The following TTC7A variants were observed in gnomAD, a reference collection of about 807,000 sequenced individuals.
TTC7A encodes tetratricopeptide repeat domain 7A.
Under a neutral mutation model 103.7 loss-of-function variants are expected in TTC7A, and 110 were observed. The observed-to-expected ratio is 1.06, with a 90% CI of 0.91 to 1.24. The LOEUF (loss-of-function observed/expected upper bound fraction) is 1.24, where lower values mean the gene tolerates loss of function less well. Ranked by LOEUF, TTC7A falls within the 50% of genes most tolerant of loss-of-function variation. The pLI, the probability that TTC7A is intolerant of heterozygous loss-of-function variation, is 0.00. For synonymous variants in TTC7A, 521 were observed against 467.9 expected (o/e 1.11, Z -1.47); for missense variants, 1,340 against 1,116.3 (o/e 1.20, Z -2.86).
chr2:47,021,810 G>GT, intron 11 of TTC7A, 52 bp from the exon 12 acceptor site: 1 of 1,449,368 alleles, frequency 6.9e-7, no homozygotes, highest in South Asian at 1.1e-5. Context: ...TCATTCACTG[G>GT]TAGAGGAAAC....
At chr2:47,044,984 G>A (rs917584822) in intron 15 of TTC7A, among the ~76,000 whole-genome samples, 5 of 152,202 alleles carry the variant, frequency 3.3e-5, no homozygotes, top group African/African-American at 4.8e-5. Flanking sequence ...AGCCTTCGCA[G>A]TCTGGGTAGG....
intron 3 of TTC7A, 124 bp downstream of exon 3, chr2:46,957,131 T>A: frequency 7.7e-7 from 1 of 1,292,866 alleles, no homozygotes; most frequent in Non-Finnish European, 1.1e-6. Flanking sequence ...GCCCTGGCAC[T>A]GGTGTCTAAG....
chr2:47,056,633 A>C (rs1171010238), intron 18 of TTC7A, among the ~76,000 whole-genome samples: 3 of 152,220 alleles, frequency 2.0e-5, no homozygotes, highest in Non-Finnish European at 2.9e-5. Flanking sequence ...GGATGCCTCA[A>C]AAAAATAATA....
At chr2:47,046,817 C>T (rs1682374292) in intron 16 of TTC7A, 1 of 237,578 alleles carries the variant, frequency 4.2e-6, no homozygotes. Flanking sequence ...TATAGCTTAC[C>T]AGAATCACTC....
chr2:46,977,671 C>T (rs1674011151), intron 4 of TTC7A, among the ~76,000 whole-genome samples: 1 of 152,186 alleles, frequency 6.6e-6, no homozygotes, highest in Admixed American at 6.5e-5. Context: ...AGCTTGGAAT[C>T]CATACCTGGC....
chr2:47,057,602 A>T (rs546401975), intron 18 of TTC7A, among the ~76,000 whole-genome samples: 1 of 152,114 alleles, frequency 6.6e-6, no homozygotes, highest in Admixed American at 6.5e-5. Context: ...GGGAGTGGGG[A>T]GCTTGACTCC....
chr2:46,924,692 T>C (rs1669292761), intron 2 of TTC7A, among the ~76,000 whole-genome samples: 1 of 152,140 alleles, frequency 6.6e-6, no homozygotes, highest in African/African-American at 2.4e-5. Flanking sequence ...AGTGGTGCGA[T>C]CTCAGCACAC....
rs555415728 is a variant in TTC7A, at chr2:47,024,706, G to A, written c.1641+347G>A. ...TCCCCAAGGGTCTTGGGGATGGAGT[G>A]ATGGGCAGGCTCATGGAGCTGTTGC... On this transcript the variant is annotated intron_variant, in intron 14 of 19. Coordinates refer to ENST00000319190, the MANE Select transcript of TTC7A (RefSeq NM_020458.4). Among the ~76,000 whole-genome samples, 4 of 152,218 alleles carry A rather than the reference G, an allele frequency of 2.6e-5. No individual in the cohort carries two copies. The East Asian group carries it at 7.8e-4, about 30-fold the overall frequency.
At chr2:47,049,859 C>T in intron 16 of TTC7A, 90 bp from the exon 17 acceptor site, 1 of 953,974 alleles carries the variant, frequency 1.0e-6, no homozygotes, top group Non-Finnish European at 1.6e-6. Flanking sequence ...TTCTCCCTGC[C>T]AGTCCTTGTG....
chr2:46,964,887 G>T (rs1672704744), intron 3 of TTC7A, among the ~76,000 whole-genome samples: 1 of 152,166 alleles, frequency 6.6e-6, no homozygotes, highest in South Asian at 2.1e-4. Flanking sequence ...GCCTAATTTA[G>T]GGTTCACTGT....
chr2:46,970,178 C>T (rs1018916341), intron 3 of TTC7A, among the ~76,000 whole-genome samples: 3 of 151,998 alleles, frequency 2.0e-5, no homozygotes, highest in Non-Finnish European at 4.4e-5. Flanking sequence ...TTGGGGGGGA[C>T]GGGGTTTCAC....
intron 2 of TTC7A, among the ~76,000 whole-genome samples, chr2:46,953,221 A>G (rs533089685): frequency 2.2e-4 from 33 of 152,234 alleles, no homozygotes; most frequent in African/African-American, 7.5e-4. Flanking sequence ...TGGCGTGAAC[A>G]TGGCTCACTG....
intron 14 of TTC7A, among the ~76,000 whole-genome samples, chr2:47,025,312 C>T (rs1335234001): frequency 6.6e-6 from 1 of 152,204 alleles, no homozygotes; most frequent in Non-Finnish European, 1.5e-5. Context: ...CGGAGGACAC[C>T]ACTGAGGCCG....
intron 14 of TTC7A, among the ~76,000 whole-genome samples, chr2:47,026,117 G>T (rs571301926): frequency 1.2e-4 from 19 of 152,310 alleles, no homozygotes; most frequent in Admixed American, 9.1e-4. Context: ...GGCAGCCTCA[G>T]GGAGTTGAGA....
rs762400105 is a variant in TTC7A at position 47,060,982 on chromosome 2, GC to G, written c.2355+17del. Reference sequence around the variant, plus strand: ...ATCATGCATAGCCTGGTGAGTCAGAGCCCCCCGCGCTCCCACCACCTCCTCC... The same window carrying G: ...ATCATGCATAGCCTGGTGAGTCAGAGCCCCCGCGCTCCCACCACCTCCTCC... On this transcript the variant is annotated intron_variant, in intron 19 of 19. Coordinates refer to ENST00000319190, the MANE Select transcript of TTC7A (RefSeq NM_020458.4). 3.2e-6 allele frequency: 5 copies of G among 1,583,406 alleles called. No homozygotes were observed. Among genetic ancestry groups the G allele is most frequent in the Non-Finnish European group, 3.4e-6 (4 of 1,162,926 alleles).
At chr2:46,943,489 C>T (rs1670642520) in intron 1 of TTC7A, among the ~76,000 whole-genome samples, 1 of 150,778 alleles carries the variant, frequency 6.6e-6, no homozygotes, top group Non-Finnish European at 1.5e-5. Context: ...GATTTTTCTC[C>T]CAGTTAAATC....
At chr2:46,935,048 C>T (rs1261192664) in intron 2 of TTC7A, among the ~76,000 whole-genome samples, 1 of 152,006 alleles carries the variant, frequency 6.6e-6, no homozygotes, top group Non-Finnish European at 1.5e-5. Context: ...ATCCACCCAC[C>T]TCGGCCTCCC....
At position 46,934,181 on chromosome 2, in the gene TTC7A, C is replaced by T. The variant is rs139213568; in HGVS notation, c.83-16182C>T. ...CATGGCTTTACTATTGCAGGAAACT[C>T]TTACCCAGGATGATAAAAGTTGTAA... On this transcript the variant is annotated intron_variant, in intron 2 of 20. Coordinates refer to the TTC7A transcript ENST00000409245. Among the ~76,000 whole-genome samples, 1,108 of 152,322 alleles carry T rather than the reference C, an allele frequency of 7.3e-3. 6 individuals carry two copies. The highest frequency in any genetic ancestry group is 0.012 in the Non-Finnish European group (794 of 68,032).
chr2:47,048,218 A>G (rs1162779206), intron 16 of TTC7A, among the ~76,000 whole-genome samples: 1 of 152,280 alleles, frequency 6.6e-6, no homozygotes, highest in African/African-American at 2.4e-5. Context: ...GGTTTTTGCT[A>G]ACTGCTCAAC....
Sources: gnomAD v4.1 joint callset for allele counts (sites outside exome capture counted in the v4.1 genomes callset) on GRCh38, gnomAD v4.1.1 for gene constraint, MANE v1.5 for transcripts, NCBI Gene and HGNC (gene_info 2026-07-23, HGNC 2026-07-21) for gene names.